GOLGA4: variants seen among roughly 807,000 people sequenced by gnomAD.
GOLGA4 encodes the protein golgin A4.
GOLGA4 carries 169 observed loss-of-function variants against 265.9 expected under a neutral mutation model. That is an observed-to-expected ratio of 0.64 (90% CI 0.56 to 0.72). The LOEUF (loss-of-function observed/expected upper bound fraction) is 0.72, where lower values mean the gene tolerates loss of function less well. Ranked by LOEUF, GOLGA4 falls within the 30% of genes least tolerant of loss-of-function variation. GOLGA4 has a pLI of 0.00. For missense variants in GOLGA4, 2,482 were observed against 2,483.4 expected, an observed-to-expected ratio of 1.00 and a Z score of 0.01; for synonymous variants, 923 against 855.8, an observed-to-expected ratio of 1.08 and a Z score of -1.37.
intron 22 of GOLGA4, among the ~76,000 whole-genome samples, chr3:37,360,996 G>A (rs527639240): frequency 3.9e-5 from 6 of 152,156 alleles, no homozygotes; most frequent in South Asian, 2.1e-4. Context: ...CTTTCATTAC[G>A]TTGTTTAAGT....
intron 19 of GOLGA4, 112 bp downstream of exon 19, chr3:37,337,846 G>C (rs748905748): frequency 1.5e-6 from 1 of 647,664 alleles, no homozygotes; most frequent in Non-Finnish European, 2.8e-6. Flanking sequence ...CTTACACCCA[G>C]GAAATTTTAT....
chr3:37,350,401 A>G (rs755700124), intron 21 of GOLGA4, among the ~76,000 whole-genome samples: 2 of 152,146 alleles, frequency 1.3e-5, no homozygotes, highest in Admixed American at 6.6e-5. Flanking sequence ...ATGCTTGTGC[A>G]TGCATGTATA....
rs749290284 is a variant in GOLGA4, at chr3:37,298,944, G to C, written c.926G>C (p.Cys309Ser). The change falls in exon 8 of 24, where the codon TGT becomes TCT. Residue 309 changes from cysteine (C) to serine (S), a missense_variant. By Grantham distance (112) the Cys-to-Ser change is moderately radical (BLOSUM62 -1). Around this residue, in one of 3 missense-constraint regions of GOLGA4, gnomAD observed 1,536 missense variants for 1,483.7 expected, o/e 1.04. Coordinates refer to ENST00000361924, the MANE Select transcript of GOLGA4 (RefSeq NM_002078.5). ...KETIQSHKEQ[C>S]TLLTSEKEAL... is the part of the protein sequence containing the mutation. ...ACAATTCAGTCACATAAGGAACAAT[G>C]TACACTATTAACTAGTGAAAAAGAA... 6.2e-7 allele frequency: 1 copy of C among 1,612,174 alleles called. No individual in the cohort carries two copies. Among genetic ancestry groups the C allele is most frequent in the South Asian group, 1.1e-5 (1 of 90,876 alleles).
At chr3:37,327,926 T>A in intron 14 of GOLGA4, 101 bp downstream of exon 14, 6 of 901,342 alleles carry the variant, frequency 6.7e-6, no homozygotes, top group Non-Finnish European at 9.9e-6. Context: ...TTGGATAAGT[T>A]TCACCAACCC....
intron 7 of GOLGA4, among the ~76,000 whole-genome samples, 160 bp downstream of exon 7, chr3:37,296,379 C>T (rs567217391): frequency 9.6e-4 from 146 of 152,212 alleles, no homozygotes; most frequent in Non-Finnish European, 1.7e-3. Context: ...AAACCCTTCT[C>T]CACAAGAAAA....
intron 16 of GOLGA4, among the ~76,000 whole-genome samples, chr3:37,332,312 C>T (rs973359449): frequency 5.3e-5 from 8 of 152,196 alleles, no homozygotes; most frequent in African/African-American, 1.9e-4. Context: ...GTTACCATCT[C>T]TCTTTTGGCT....
At chr3:37,255,269 T>C (rs904422868) in intron 2 of GOLGA4, among the ~76,000 whole-genome samples, 18 of 152,044 alleles carry the variant, frequency 1.2e-4, no homozygotes, top group Non-Finnish European at 2.5e-4. Context: ...CAAGCAATTC[T>C]CCCTGCCTCA....
intron 2 of GOLGA4, chr3:37,267,016 A>C: frequency 2.1e-4 from 112 of 535,688 alleles, no homozygotes; most frequent in Non-Finnish European, 3.4e-4. Flanking sequence ...AGCAAATCTC[A>C]TGTTACTTGC....
chr3:37,330,133 A>C (rs1429451350), intron 16 of GOLGA4, among the ~76,000 whole-genome samples: 2 of 152,164 alleles, frequency 1.3e-5, no homozygotes, highest in Non-Finnish European at 2.9e-5. Context: ...TGAAAAAAAA[A>C]AAGTATTATT....
intron 9 of GOLGA4, among the ~76,000 whole-genome samples, chr3:37,301,104 G>T (rs2096891483): frequency 6.6e-6 from 1 of 152,164 alleles, no homozygotes; most frequent in Non-Finnish European, 1.5e-5. Flanking sequence ...GCAAGGGTTG[G>T]CAAACCCTGT....
intron 7 of GOLGA4, among the ~76,000 whole-genome samples, chr3:37,297,898 G>A (rs755882520): frequency 6.6e-6 from 1 of 152,090 alleles, no homozygotes; most frequent in Non-Finnish European, 1.5e-5. Flanking sequence ...ACGTGGTGGT[G>A]TGCGCCTGTA....
chr3:37,312,805 T>C (rs1296049275), intron 10 of GOLGA4, among the ~76,000 whole-genome samples: 2 of 152,204 alleles, frequency 1.3e-5, no homozygotes, highest in African/African-American at 4.8e-5. Context: ...ATTATAGGCA[T>C]GAGCCCCCCA....
At chr3:37,274,118 AT>A (rs2096806774) in intron 2 of GOLGA4, among the ~76,000 whole-genome samples, 7 of 150,030 alleles carry the variant, frequency 4.7e-5, no homozygotes, top group Non-Finnish European at 1.0e-4. Flanking sequence ...AAAAAAAAAG[AT>A]AATAATAATA....
intron 22 of GOLGA4, among the ~76,000 whole-genome samples, chr3:37,358,418 TA>T (rs1009145507): frequency 1.8e-4 from 27 of 152,326 alleles, no homozygotes; most frequent in African/African-American, 6.5e-4. Context: ...GAGTAGATTT[TA>T]TAGATGAGAA....
Position 37,326,348 on chromosome 3 carries a change from C to G in GOLGA4, c.4462C>G (p.Leu1488Val). 1 of 1,612,494 alleles carries G rather than the reference C, an allele frequency of 6.2e-7. No individual in the cohort carries two copies. The highest frequency in any genetic ancestry group is 8.5e-7 in the Non-Finnish European group (1 of 1,179,456). The change falls in exon 14 of 24, where the codon CTT (leucine) becomes GTT (valine). Residue 1488 changes from leucine to valine, a missense_variant. By Grantham distance (32) the Leu-to-Val change is conservative. Transcript: ENST00000361924. The part of the protein sequence containing the change: ...DEQINLLKEE[L>V]DQQNKRFDCL... ...GCAGATAAATTTATTGAAGGAAGAGCTTGATCAGCAAAATAAAAGATTTGA... is the reference window on the plus strand; with the variant it reads ...GCAGATAAATTTATTGAAGGAAGAGGTTGATCAGCAAAATAAAAGATTTGA...
At chr3:37,345,365 G>A (rs1024007534) in intron 20 of GOLGA4, among the ~76,000 whole-genome samples, 1 of 152,208 alleles carries the variant, frequency 6.6e-6, no homozygotes, top group Non-Finnish European at 1.5e-5. Flanking sequence ...GCAAGCTTAT[G>A]TTATAAAATT....
At chr3:37,321,971 G>T (rs2096956242) in intron 13 of GOLGA4, 85 bp downstream of exon 13, 1 of 1,047,818 alleles carries the variant, frequency 9.5e-7, no homozygotes, top group South Asian at 1.6e-5. Context: ...ATAAAGTTTC[G>T]AAGATTACTG....
intron 15 of GOLGA4, among the ~76,000 whole-genome samples, 192 bp from the exon 16 acceptor site, chr3:37,328,771 G>C (rs921395815): frequency 3.3e-5 from 5 of 152,150 alleles, no homozygotes; most frequent in African/African-American, 1.2e-4. Flanking sequence ...ACCTTGTAAA[G>C]ACACTTTTGC....
At chr3:37,260,285 G>T (rs1001834726) in intron 2 of GOLGA4, among the ~76,000 whole-genome samples, 2 of 152,042 alleles carry the variant, frequency 1.3e-5, no homozygotes, top group African/African-American at 4.8e-5. Context: ...AAATCATAAG[G>T]GTTCTACTAA....
Sources: gnomAD v4.1 joint callset for allele counts (sites outside exome capture counted in the v4.1 genomes callset) on GRCh38, gnomAD v4.1.1 for gene constraint, gnomAD v4.1.1 regional missense constraint, MANE v1.5 for transcripts, NCBI Gene and HGNC (gene_info 2026-07-23, HGNC 2026-07-21) for gene names.